The following GK variants were observed in gnomAD, a reference collection of about 807,000 sequenced individuals.
GK encodes the protein glycerol kinase.
In GK, 9 loss-of-function variants were observed where a neutral mutation model predicts 56.4. That is an observed-to-expected ratio of 0.16 (90% CI 0.10 to 0.28). The LOEUF (loss-of-function observed/expected upper bound fraction) is 0.28, where lower values mean the gene tolerates loss of function less well. GK is among the 10% of genes least tolerant of loss of function. The pLI, the probability that GK is intolerant of heterozygous loss-of-function variation, is 1.00. For synonymous variants in GK, 104 were observed against 144.1 expected (o/e 0.72, Z 1.99); for missense variants, 161 against 431.4 (o/e 0.37, Z 5.55).
At chrX:30,689,927 C>T (rs1213514778) in intron 4 of GK, among the ~76,000 whole-genome samples, 1 of 111,745 alleles carries the variant, frequency 8.9e-6, no homozygotes, top group Admixed American at 9.6e-5. Context: ...TGTGGTGAGT[C>T]TTTTCTTGCT....
In GK at chrX:30,730,570, T is replaced by G. The variant is rs1348796056; in HGVS notation, c.*1828T>G. On this transcript the variant is annotated 3_prime_UTR_variant, in exon 21 of 21. Transcript: ENST00000427190. ...TGAAATTGTACACATTGATATTTAATGACAAATTTACTTAAAATAAATTGA... is the reference window on the plus strand; with the variant it reads ...TGAAATTGTACACATTGATATTTAAGGACAAATTTACTTAAAATAAATTGA... The G allele has an allele frequency of 8.9e-6, 1 of 112,450 alleles. No homozygotes were observed. Among genetic ancestry groups the G allele is most frequent in the Non-Finnish European group, 1.9e-5 (1 of 53,319 alleles). The allele number at this position is 112,450 out of a possible 1,213,427, so 9.3% of individuals were successfully genotyped here.
At chrX:30,717,424 CAT>C (rs760504658) in intron 13 of GK, among the ~76,000 whole-genome samples, 11 of 110,516 alleles carry the variant, frequency 1.0e-4, no homozygotes, top group Non-Finnish European at 1.9e-4. Context: ...TTTTTACAAC[CAT>C]CACCACAATC....
chrX:30,706,329 A>T lies in GK; in HGVS notation c.852-1227A>T, dbSNP rs771553992. Among the ~76,000 whole-genome samples, 4 of 112,006 alleles carry T rather than the reference A, an allele frequency of 3.6e-5. No individual in the cohort carries two copies. The South Asian group carries it at 1.5e-3, about 41-fold the overall frequency. On this transcript the variant is annotated intron_variant, in intron 11 of 20. Transcript: ENST00000427190. Reference sequence around the variant, plus strand: ...GCACAATCAAAATGCAGCTGATGGGATCTGTTGAGTTAGTGCTGACTGGTG... The same window carrying T: ...GCACAATCAAAATGCAGCTGATGGGTTCTGTTGAGTTAGTGCTGACTGGTG...
At chrX:30,719,317 C>A (rs1054052591) in intron 14 of GK, 102 bp from the exon 15 acceptor site, 5 of 547,775 alleles carry the variant, frequency 9.1e-6, no homozygotes, top group Non-Finnish European at 1.6e-5. Flanking sequence ...AATTGGAAAC[C>A]AAAACCCCTG....
At chrX:30,701,672 G>A (rs983109758) in intron 11 of GK, among the ~76,000 whole-genome samples, 4 of 111,540 alleles carry the variant, frequency 3.6e-5, no homozygotes, top group Non-Finnish European at 5.7e-5. Flanking sequence ...CTGAAGTTTC[G>A]CCTTTCCTGG....
intron 5 of GK, among the ~76,000 whole-genome samples, chrX:30,691,559 G>C (rs2147194381): frequency 1.0e-5 from 1 of 97,690 alleles, no homozygotes; most frequent in African/African-American, 3.8e-5. Flanking sequence ...CGCAGCCTCT[G>C]CCTCCTGGGT....
chrX:30,663,049 A>G (rs1394369542), intron 1 of GK, among the ~76,000 whole-genome samples: 1 of 109,338 alleles, frequency 9.1e-6, no homozygotes, highest in Non-Finnish European at 1.9e-5. Context: ...CGCCCAACAG[A>G]TTTTTGTATT....
chrX:30,662,121 T>C (rs1932778619), intron 1 of GK, among the ~76,000 whole-genome samples: 1 of 107,305 alleles, frequency 9.3e-6, no homozygotes, highest in Admixed American at 1.0e-4. Flanking sequence ...ACTTTAAATA[T>C]GGCTAGTCTG....
chrX:30,701,454 C>T (rs1000122235), intron 11 of GK, among the ~76,000 whole-genome samples: 1 of 112,038 alleles, frequency 8.9e-6, no homozygotes, highest in African/African-American at 3.2e-5. Flanking sequence ...AAATTCATTA[C>T]CTTTTATATC....
At chrX:30,688,501 CAA>C (rs34773549) in intron 4 of GK, among the ~76,000 whole-genome samples, 6 of 33,893 alleles carry the variant, frequency 1.8e-4, no homozygotes, top group African/African-American at 4.2e-4. Flanking sequence ...GACTCTGTCT[CAA>C]AAAAAAAAAA....
rs749029514 is a variant in GK at position 30,728,611 on chromosome X, C to T, written c.1670-121C>T. 3.9e-5 allele frequency: 22 copies of T among 557,116 alleles called. No individual in the cohort carries two copies. In the East Asian group the frequency reaches 6.9e-4, roughly 18 times the overall value. The allele number at this position is 557,116 out of a possible 1,213,427, so 45.9% of individuals were successfully genotyped here. A position where few individuals can be genotyped will look rare whatever the true frequency, so the allele number is the denominator to read the frequency against. The stretch of plus-strand genomic sequence containing the variant: ...TGTTTGTTGCATTTTAATTGTGAGG[C>T]ATGATTTAGAAATCATATGGACTTT... On this transcript the variant is annotated intron_variant, in intron 20 of 20. Coordinates refer to ENST00000427190, the MANE Select transcript of GK (RefSeq NM_001205019.2).
intron 9 of GK, 73 bp downstream of exon 9, chrX:30,697,822 A>G: frequency 1.3e-6 from 1 of 749,639 alleles, no homozygotes; most frequent in East Asian, 3.2e-5. Context: ...TTATTTTTAG[A>G]CAAGCAGAAG....
At chrX:30,695,765 G>A (rs1601917491) in intron 6 of GK, among the ~76,000 whole-genome samples, 1 of 112,028 alleles carries the variant, frequency 8.9e-6, no homozygotes, top group African/African-American at 3.2e-5. Flanking sequence ...AAACAAAACC[G>A]ATTTTTTATT....
intron 3 of GK, among the ~76,000 whole-genome samples, chrX:30,672,912 CTGTG>C (rs985376249): frequency 1.4e-4 from 16 of 111,499 alleles, no homozygotes; most frequent in South Asian, 7.3e-4. Flanking sequence ...TTATTTTGTT[CTGTG>C]TGTTTTTAGT....
chrX:30,715,592 T>A (rs1341623280), intron 13 of GK, among the ~76,000 whole-genome samples: 1 of 111,877 alleles, frequency 8.9e-6, no homozygotes, highest in Non-Finnish European at 1.9e-5. Flanking sequence ...ACTTAACTGA[T>A]AACAAGTAGA....
At chrX:30,685,140 CT>C (rs1282559988) in intron 4 of GK, among the ~76,000 whole-genome samples, 1 of 100,180 alleles carries the variant, frequency 1.0e-5, no homozygotes, top group Non-Finnish European at 2.1e-5. Context: ...TTTTTTTTTT[CT>C]TTTTTTTTGA....
chrX:30,695,066 A>G (rs1325679217), intron 6 of GK: 1 of 420,466 alleles, frequency 2.4e-6, no homozygotes, highest in Non-Finnish European at 3.9e-6. Context: ...ATACTCACAT[A>G]TTCTTTCTCC....
chrX:30,656,787 G>C (rs1030597927), intron 1 of GK, among the ~76,000 whole-genome samples: 2 of 112,618 alleles, frequency 1.8e-5, no homozygotes, highest in Non-Finnish European at 3.7e-5. Context: ...TTCAGAGAGT[G>C]TTTTATACAT....
chrX:30,727,586 G>A, intron 20 of GK, 34 bp downstream of exon 20: 1 of 863,539 alleles, frequency 1.2e-6, no homozygotes, highest in Non-Finnish European at 1.7e-6. Context: ...AACTCTATTA[G>A]TTAGCTTTAA....
Sources: gnomAD v4.1 joint callset for allele counts (sites outside exome capture counted in the v4.1 genomes callset) on GRCh38, gnomAD v4.1.1 for gene constraint, MANE v1.5 for transcripts, NCBI Gene and HGNC (gene_info 2026-07-23, HGNC 2026-07-21) for gene names.